TFDP1: variants seen among roughly 807,000 people sequenced by gnomAD.
TFDP1 encodes the protein DRTF1-polypeptide 1.
Under a neutral mutation model 48.0 loss-of-function variants are expected in TFDP1, and 6 were observed. That is an observed-to-expected ratio of 0.13 (90% CI 0.07 to 0.25). The LOEUF (loss-of-function observed/expected upper bound fraction) is 0.25. Ranked by LOEUF, TFDP1 falls within the 10% of genes least tolerant of loss-of-function variation. The probability of loss-of-function intolerance (pLI) is 1.00; values close to 1 mark genes in which losing one functional copy is unlikely to be tolerated. For missense variants in TFDP1, 335 were observed against 543.0 expected (o/e 0.62, Z 3.81); for synonymous variants, 201 against 211.6 (o/e 0.95, Z 0.44).
At chr13:113,617,855 C>T (rs2048901672) in intron 3 of TFDP1, among the ~76,000 whole-genome samples, 1 of 152,152 alleles carries the variant, frequency 6.6e-6, no homozygotes, top group Non-Finnish European at 1.5e-5. Flanking sequence ...ATCTTAAGCC[C>T]TATAGATATT....
At position 113,637,531 on chromosome 13, in the gene TFDP1, G is replaced by A. The variant is rs1314232208; in HGVS notation, c.1007-287G>A. ...CTTTGATTCGGTTCCGTTTCACGAT[G>A]GGTATGATACTGAGGCAGCAGCACA... is the stretch of plus-strand genomic sequence containing the variant. On this transcript the variant is annotated intron_variant, in intron 10 of 11. Coordinates refer to ENST00000375370, the MANE Select transcript of TFDP1 (RefSeq NM_007111.5). The A allele has an allele frequency of 7.7e-6, 10 of 1,294,586 alleles. No individual in the cohort carries two copies. In the East Asian group the frequency reaches 2.9e-4, roughly 38 times the overall value. 80.2% of individuals were successfully genotyped at this position (1,294,586 alleles called of 1,614,324 possible). A position where few individuals can be genotyped will look rare whatever the true frequency, so the allele number is the denominator to read the frequency against.
At chr13:113,624,671 AG>A (rs1359238580) in intron 4 of TFDP1, among the ~76,000 whole-genome samples, 9 of 140,416 alleles carry the variant, frequency 6.4e-5, no homozygotes, top group East Asian at 2.2e-4. Context: ...GGTGTCTCTC[AG>A]GGTATCTCTC....
At chr13:113,629,553 G>A (rs1594520434) in intron 4 of TFDP1, among the ~76,000 whole-genome samples, 1 of 152,172 alleles carries the variant, frequency 6.6e-6, no homozygotes. Context: ...TATTCAGTGG[G>A]TCTCCTGGGA....
chr13:113,588,866 AGT>A (rs1250960454), intron 2 of TFDP1, among the ~76,000 whole-genome samples: 8 of 146,802 alleles, frequency 5.4e-5, no homozygotes, highest in Non-Finnish European at 1.0e-4. Context: ...GGGGAGAGAG[AGT>A]GGTGATGGTG....
At chr13:113,634,483 C>A in intron 7 of TFDP1, 51 bp from the exon 8 acceptor site, 1 of 1,529,586 alleles carries the variant, frequency 6.5e-7, no homozygotes, top group Non-Finnish European at 9.0e-7. Context: ...TTAAAAAACG[C>A]TCTGTGGAAC....
chr13:113,587,701 GGGCTCGA>G (rs2048040113), intron 2 of TFDP1, among the ~76,000 whole-genome samples: 1 of 151,684 alleles, frequency 6.6e-6, no homozygotes. Context: ...TGCCCAGGCT[GGGCTCGA>G]GCTCCTGACC....
At chr13:113,628,952 G>A (rs1421835989) in intron 4 of TFDP1, among the ~76,000 whole-genome samples, 4 of 152,210 alleles carry the variant, frequency 2.6e-5, no homozygotes, top group Admixed American at 2.0e-4. Context: ...ACAGGCGGCC[G>A]GCCCGAGTTC....
chr13:113,600,309 CCCTTGCACGTAGGGCT>C (rs2048383988), intron 2 of TFDP1, among the ~76,000 whole-genome samples: 1 of 120,782 alleles, frequency 8.3e-6, no homozygotes, highest in Non-Finnish European at 1.7e-5. Context: ...TGAGAGAGAA[CCCTTGCACGTAGGGCT>C]CCAGGACCAT....
chr13:113,622,902 C>T (rs930784148), intron 3 of TFDP1, among the ~76,000 whole-genome samples: 99 of 152,390 alleles, frequency 6.5e-4, no homozygotes, highest in African/African-American at 2.2e-3. Flanking sequence ...CCCACCAGCA[C>T]GTTCCATAGC....
Position 113,634,591 on chromosome 13 carries a change from C to G in TFDP1, c.676C>G (p.Leu226Val), listed in dbSNP as rs1286161034. ...IKQKQSQLQE[L>V]ILQQIAFKNL... ...ACAGAAACAGTCTCAACTTCAAGAA[C>G]TTATTCTACAGGTAAGAGAATACGT... Residue 226 changes from leucine to valine, a missense_variant, in exon 8 of 12, where the codon CTT (leucine) becomes GTT (valine). Transcript: ENST00000375370. 1 of 1,612,226 alleles carries G rather than the reference C, an allele frequency of 6.2e-7. No individual in the cohort carries two copies. Among genetic ancestry groups the G allele is most frequent in the Non-Finnish European group, 8.5e-7 (1 of 1,179,106 alleles).
chr13:113,631,480 G>T, intron 4 of TFDP1, 143 bp from the exon 5 acceptor site: 1 of 1,058,710 alleles, frequency 9.4e-7, no homozygotes, highest in South Asian at 2.4e-5. Context: ...GTCCACCGCT[G>T]GACGTTTTTC....
chr13:113,640,601 C>T lies in TFDP1; in HGVS notation c.*334C>T, dbSNP rs1395221962. 1.4e-5 allele frequency: 4 copies of T among 287,626 alleles called. No individual in the cohort carries two copies. The highest frequency in any genetic ancestry group is 2.6e-5 in the Non-Finnish European group (4 of 152,272). 17.8% of individuals were successfully genotyped at this position (287,626 alleles called of 1,614,324 possible). On this transcript the variant is annotated 3_prime_UTR_variant, in exon 12 of 12. Transcript: ENST00000375370. ...TGCTGAAGAAATTGTATTTCAACCA[C>T]ATCCATGAAAATAAAACACCTCCTG...
At chr13:113,586,378 T>G (rs764928995) in intron 2 of TFDP1, among the ~76,000 whole-genome samples, 1 of 152,228 alleles carries the variant, frequency 6.6e-6, no homozygotes, top group Non-Finnish European at 1.5e-5. Context: ...TCCTGATTTA[T>G]GAAATCTGGT....
At chr13:113,594,201 G>C (rs150386656) in intron 2 of TFDP1, among the ~76,000 whole-genome samples, 3,600 of 91,432 alleles carry the variant, frequency 0.039, 265 homozygotes, top group African/African-American at 0.16. Context: ...TCCTCACCCA[G>C]CCAGGTGACA....
At chr13:113,624,858 C>T (rs1566665813) in intron 4 of TFDP1, among the ~76,000 whole-genome samples, 2 of 138,006 alleles carry the variant, frequency 1.4e-5, no homozygotes, top group African/African-American at 2.8e-5. Flanking sequence ...GTGTCTCTCA[C>T]GTGTCCTCAG....
intron 3 of TFDP1, among the ~76,000 whole-genome samples, chr13:113,617,448 C>CTG (rs1208586286): frequency 1.3e-5 from 2 of 152,118 alleles, no homozygotes; most frequent in Admixed American, 6.5e-5. Flanking sequence ...ACCTGCAGAG[C>CTG]CGCTCACCTG....
intron 8 of TFDP1, among the ~76,000 whole-genome samples, chr13:113,635,280 G>T (rs2049454870): frequency 2.0e-5 from 3 of 152,218 alleles, no homozygotes; most frequent in Admixed American, 2.0e-4. Flanking sequence ...CCTCCCAGAG[G>T]GGACGGTGTG....
chr13:113,632,837 A>G (rs565402898), intron 5 of TFDP1, among the ~76,000 whole-genome samples: 5 of 152,288 alleles, frequency 3.3e-5, no homozygotes, highest in African/African-American at 7.2e-5. Flanking sequence ...CATCTCCCAT[A>G]TGCTGATTTG....
chr13:113,623,250 C>T lies in TFDP1; in HGVS notation c.150C>T (p.Thr50=). 6.2e-7 allele frequency: 1 copy of T among 1,613,418 alleles called. No individual in the cohort carries two copies. Among genetic ancestry groups the T allele is most frequent in the Non-Finnish European group, 8.5e-7 (1 of 1,179,714 alleles). Residue 50 remains threonine, a synonymous_variant, in exon 4 of 12, where the codon ACC becomes ACT. Coordinates refer to ENST00000375370, the MANE Select transcript of TFDP1 (RefSeq NM_007111.5). The surrounding 1 kb of genome is among the most constrained non-coding windows in gnomAD (Gnocchi z 5.2). ...TCGGGAAGCAGCTCTTGCCAAAAAC[C>T]TTTGGACAGTCCAATGTCAACATTG... ...NPLGKQLLPK[T]FGQSNVNIAQ...
Sources: allele counts gnomAD v4.1 joint callset (sites outside exome capture counted in the v4.1 genomes callset), GRCh38; gene constraint gnomAD v4.1.1; non-coding constraint Gnocchi (gnomAD v3.1); transcripts MANE v1.5; gene names NCBI Gene and HGNC (gene_info 2026-07-23, HGNC 2026-07-21).